FNBP1: variants seen among roughly 807,000 people sequenced by gnomAD.
The protein encoded by FNBP1 is formin binding protein 1.
A neutral mutation model predicts 90.6 loss-of-function variants in FNBP1; 26 were observed. The ratio of observed to expected loss-of-function variants is 0.29; its 90% CI spans 0.21 to 0.40. The LOEUF is 0.40. Ranked by LOEUF, FNBP1 falls within the 10% of genes least tolerant of loss-of-function variation. The pLI, the probability that FNBP1 is intolerant of heterozygous loss-of-function variation, is 1.00. For synonymous variants in FNBP1, 260 were observed against 265.2 expected (o/e 0.98, Z 0.19); for missense variants, 635 against 768.0 (o/e 0.83, Z 2.05).
chr9:129,914,755 G>GTGTGTGTATATATA (rs71499203), intron 11 of FNBP1, among the ~76,000 whole-genome samples: 35 of 98,434 alleles, frequency 3.6e-4, no homozygotes, highest in Non-Finnish European at 6.2e-4. Context: ...ACATACATAT[G>GTGTGTGTATATATA]TCTATATATA....
chr9:130,024,815 T>C (rs530526426), intron 1 of FNBP1, among the ~76,000 whole-genome samples: 1 of 152,334 alleles, frequency 6.6e-6, no homozygotes, highest in South Asian at 2.1e-4. Context: ...ATTGTTTATC[T>C]ACCTTACTCA....
rs765222506 is a variant in FNBP1, at chr9:129,900,952, T to C, written c.1429-405A>G. On this transcript the variant is annotated intron_variant, in intron 13 of 16. Coordinates refer to ENST00000446176, the MANE Select transcript of FNBP1 (RefSeq NM_015033.3). This position sits in a 1 kb window ranked among gnomAD's most constrained non-coding sequence, Gnocchi z 4.1. ...GAGGTCGCCCTGTGATACCTGAAGG[T>C]ACAGCCATGCTTAAAGCAGTGACTC... 2.0e-5 allele frequency among the ~76,000 whole-genome samples: 3 copies of C among 152,230 alleles called. No homozygotes were observed. The highest frequency in any genetic ancestry group is 4.4e-5 in the Non-Finnish European group (3 of 68,052).
At chr9:129,938,702 C>T (rs1228967217) in intron 6 of FNBP1, among the ~76,000 whole-genome samples, 3 of 152,110 alleles carry the variant, frequency 2.0e-5, no homozygotes, top group Non-Finnish European at 2.9e-5. Context: ...AAGAAAAGGT[C>T]TTCTGTTTCC....
intron 16 of FNBP1, among the ~76,000 whole-genome samples, chr9:129,892,061 T>A (rs965880357): frequency 6.6e-6 from 1 of 152,114 alleles, no homozygotes; most frequent in African/African-American, 2.4e-5. Flanking sequence ...AGCGGGGACC[T>A]AGCTCCCCAT....
upstream of FNBP1, among the ~76,000 whole-genome samples, chr9:130,047,690 G>A (rs1455556072): frequency 1.3e-5 from 2 of 151,824 alleles, no homozygotes; most frequent in South Asian, 4.2e-4. Flanking sequence ...ACTCAAACAT[G>A]TTCCACTGAA....
intron 2 of FNBP1, among the ~76,000 whole-genome samples, chr9:129,989,255 TTC>T (rs1420947757): frequency 5.8e-4 from 88 of 152,326 alleles, no homozygotes; most frequent in African/African-American, 2.1e-3. Context: ...TTGCATGCAG[TTC>T]TGTTTTCTGC....
At chr9:129,949,918 T>G (rs1193256933) in intron 6 of FNBP1, among the ~76,000 whole-genome samples, 1 of 152,174 alleles carries the variant, frequency 6.6e-6, no homozygotes, top group Non-Finnish European at 1.5e-5. Flanking sequence ...AAAGTTCACA[T>G]GTACAAATAA....
chr9:129,943,384 CTTTT>C (rs11415197), intron 6 of FNBP1, among the ~76,000 whole-genome samples: 1 of 102,660 alleles, frequency 9.7e-6, no homozygotes, highest in Non-Finnish European at 1.8e-5. Context: ...TCATTAATTG[CTTTT>C]TTTTTTTTTT....
At chr9:129,908,599 C>G (rs1416349740) in intron 12 of FNBP1, among the ~76,000 whole-genome samples, 1 of 151,918 alleles carries the variant, frequency 6.6e-6, no homozygotes, top group African/African-American at 2.4e-5. Context: ...GTTGCCCAGG[C>G]TGGAGTGAAG....
chr9:130,012,326 C>T (rs1375260886), intron 1 of FNBP1, among the ~76,000 whole-genome samples: 1 of 152,114 alleles, frequency 6.6e-6, no homozygotes, highest in African/African-American at 2.4e-5. Context: ...AGTAAATTAC[C>T]TCATGCTTAG....
chr9:130,025,486 T>TTGATCC (rs2058253470), intron 1 of FNBP1, among the ~76,000 whole-genome samples: 1 of 152,216 alleles, frequency 6.6e-6, no homozygotes. Context: ...TCAGTGTCAG[T>TTGATCC]TGATCCTGGA....
At chr9:129,964,164 T>C (rs1588920307) in intron 4 of FNBP1, among the ~76,000 whole-genome samples, 1 of 152,198 alleles carries the variant, frequency 6.6e-6, no homozygotes, top group East Asian at 1.9e-4. Context: ...GTATTTGTTG[T>C]TTACCAACAA....
chr9:130,018,800 A>G (rs1350131338), intron 1 of FNBP1, among the ~76,000 whole-genome samples: 3 of 152,202 alleles, frequency 2.0e-5, no homozygotes, highest in Non-Finnish European at 4.4e-5. Flanking sequence ...AATATAGTGT[A>G]GCTAAATTGT....
intron 6 of FNBP1, among the ~76,000 whole-genome samples, chr9:129,951,847 C>T (rs978966312): frequency 7.2e-5 from 11 of 152,130 alleles, no homozygotes; most frequent in African/African-American, 2.7e-4. Context: ...GATGCAATCA[C>T]AGTAAGCTTT....
intron 1 of FNBP1, among the ~76,000 whole-genome samples, chr9:130,035,104 G>A (rs923632772): frequency 6.6e-6 from 1 of 152,148 alleles, no homozygotes; most frequent in African/African-American, 2.4e-5. Context: ...AGTCGAGATC[G>A]TGCCACTGCA....
chr9:130,053,565 G>T, the FNBP1 span: 3 of 284,278 alleles, frequency 1.1e-5, no homozygotes, highest in Non-Finnish European at 2.0e-5. Flanking sequence ...GCCCGACACC[G>T]TGCGGCTGAC....
chr9:129,975,333 A>T (rs73672529), intron 4 of FNBP1, among the ~76,000 whole-genome samples: 2,654 of 152,368 alleles, frequency 0.017, 29 homozygotes, highest in African/African-American at 0.021. Context: ...TTAATTTAAT[A>T]ACAGAATGTT....
Position 129,890,456 on chromosome 9 carries a change from G to A in FNBP1, c.*83C>T. 1 of 1,181,996 alleles carries A rather than the reference G, an allele frequency of 8.5e-7. No homozygotes were observed. The highest frequency in any genetic ancestry group is 1.2e-6 in the Non-Finnish European group (1 of 809,082). The allele number at this position is 1,181,996 out of a possible 1,614,324, so 73.2% of individuals were successfully genotyped here. A position where few individuals can be genotyped will look rare whatever the true frequency, so the allele number is the denominator to read the frequency against. On this transcript the variant is annotated 3_prime_UTR_variant, in exon 17 of 17. Transcript: ENST00000446176. The surrounding 1 kb of genome is among the most constrained non-coding windows in gnomAD (Gnocchi z 5.8). ...GCTGCGGAGGGGTGGGCTGTCCACA[G>A]GGCAGGGCGCTGGAGGCCTGTGGGA...
chr9:129,895,407 A>C, intron 16 of FNBP1: 1 of 1,093,052 alleles, frequency 9.1e-7, no homozygotes, highest in African/African-American at 1.6e-5. Context: ...TAACCACCTA[A>C]TGTAGCTCAG....
Sources: gnomAD v4.1 joint callset for allele counts (sites outside exome capture counted in the v4.1 genomes callset) on GRCh38, gnomAD v4.1.1 for gene constraint, Gnocchi (gnomAD v3.1) non-coding constraint, MANE v1.5 for transcripts, NCBI Gene and HGNC (gene_info 2026-07-23, HGNC 2026-07-21) for gene names.